LRRC4C: variants seen among roughly 807,000 people sequenced by gnomAD.
The protein encoded by LRRC4C is leucine rich repeat containing 4C.
A neutral mutation model predicts 33.6 loss-of-function variants in LRRC4C; 5 were observed. That is an observed-to-expected ratio of 0.15 (90% confidence interval 0.08 to 0.31). The LOEUF is 0.31. Among genes scored for constraint, LRRC4C ranks in the 10% least tolerant of loss-of-function variants. The pLI is 1.00. For synonymous variants in LRRC4C, 329 were observed against 302.0 expected (o/e 1.09, Z -0.93); for missense variants, 560 against 796.7 (o/e 0.70, Z 3.58).
chr11:40,176,480 G>C (rs559944792), intron 5 of LRRC4C, among the ~76,000 whole-genome samples: 1 of 151,340 alleles, frequency 6.6e-6, no homozygotes, highest in Non-Finnish European at 1.5e-5. Context: ...TAAAGCAAGG[G>C]ATAAAATAAT....
At chr11:40,518,442 C>A (rs1295978543) in intron 3 of LRRC4C, among the ~76,000 whole-genome samples, 4 of 152,112 alleles carry the variant, frequency 2.6e-5, no homozygotes, top group Non-Finnish European at 5.9e-5. Context: ...AAAAAGTGGA[C>A]AAAGGATATG....
At chr11:40,267,067 C>T (rs989737455) in intron 4 of LRRC4C, among the ~76,000 whole-genome samples, 7 of 151,276 alleles carry the variant, frequency 4.6e-5, no homozygotes, top group African/African-American at 1.7e-4. Flanking sequence ...TGTGCTGCTT[C>T]GATCATACAA....
At position 40,647,829 on chromosome 11, in the gene LRRC4C, G is replaced by A. The variant is rs116219843; in HGVS notation, c.-270+313C>T. ...CCACTCTTTCAACTCCTGGGGTAGC[G>A]CTCAGAAACATCTGTTTGAGAAACA... On this transcript the variant is annotated intron_variant, in intron 3 of 6. Transcript: ENST00000528697. Among the ~76,000 whole-genome samples, 177 of 152,244 alleles carry A rather than the reference G, an allele frequency of 1.2e-3. 1 individual carries two copies. Among genetic ancestry groups the A allele is most frequent in the African/African-American group, 3.9e-3 (160 of 41,536 alleles).
chr11:40,972,007 A>C (rs1592226387), intron 1 of LRRC4C, among the ~76,000 whole-genome samples: 2 of 152,212 alleles, frequency 1.3e-5, no homozygotes, highest in African/African-American at 4.8e-5. Flanking sequence ...GGAGTAACTA[A>C]CTTGTTTTTT....
intron 2 of LRRC4C, among the ~76,000 whole-genome samples, chr11:40,898,366 A>AGAAAAAAG (rs1554991247): frequency 8.5e-6 from 1 of 117,374 alleles, no homozygotes; most frequent in Non-Finnish European, 1.8e-5. Context: ...AAAAAAAAAA[A>AGAAAAAAG]AAAAAAGAAA....
chr11:41,221,448 T>G (rs1193968049), intron 1 of LRRC4C, among the ~76,000 whole-genome samples: 2 of 152,160 alleles, frequency 1.3e-5, no homozygotes, highest in African/African-American at 4.8e-5. Context: ...TATCACTGTT[T>G]ATGGGAGTGT....
chr11:40,529,601 C>T (rs984824204), intron 3 of LRRC4C, among the ~76,000 whole-genome samples: 2 of 152,058 alleles, frequency 1.3e-5, no homozygotes, highest in African/African-American at 4.8e-5. Flanking sequence ...ATTTATTCAG[C>T]AGAATGAATA....
At chr11:41,034,132 T>C (rs74510646) in intron 1 of LRRC4C, among the ~76,000 whole-genome samples, 186 of 152,194 alleles carry the variant, frequency 1.2e-3, no homozygotes, top group African/African-American at 4.3e-3. Context: ...ATTAATGGAA[T>C]AAGGAGGGCT....
At chr11:41,196,598 T>C (rs563506079) in intron 1 of LRRC4C, among the ~76,000 whole-genome samples, 13 of 152,194 alleles carry the variant, frequency 8.5e-5, no homozygotes, top group African/African-American at 2.9e-4. Flanking sequence ...GGCAGTTCTA[T>C]AATGAATAAA....
intron 5 of LRRC4C, among the ~76,000 whole-genome samples, chr11:40,240,119 C>A (rs1374302936): frequency 6.6e-6 from 1 of 152,154 alleles, no homozygotes; most frequent in Non-Finnish European, 1.5e-5. Flanking sequence ...TCTCTTTGCT[C>A]TAAACCATAA....
chr11:40,637,730 A>G (rs191343162), intron 3 of LRRC4C, among the ~76,000 whole-genome samples: 3 of 152,310 alleles, frequency 2.0e-5, no homozygotes, highest in African/African-American at 7.2e-5. Context: ...TTTCACATCT[A>G]CCACCATGGT....
At chr11:40,596,494 A>G (rs961013973) in intron 3 of LRRC4C, among the ~76,000 whole-genome samples, 7 of 151,916 alleles carry the variant, frequency 4.6e-5, no homozygotes, top group African/African-American at 1.2e-4. Context: ...AAAATTTACA[A>G]TAAATTATTG....
At chr11:40,653,812 A>G (rs779971955) in intron 2 of LRRC4C, among the ~76,000 whole-genome samples, 2 of 152,206 alleles carry the variant, frequency 1.3e-5, no homozygotes, top group Non-Finnish European at 2.9e-5. Flanking sequence ...TCTTCATGGC[A>G]GCCCCACCCA....
chr11:40,806,474 A>G (rs1951254997), intron 2 of LRRC4C, among the ~76,000 whole-genome samples: 1 of 152,250 alleles, frequency 6.6e-6, no homozygotes, highest in African/African-American at 2.4e-5. Flanking sequence ...CAGAAGCTAC[A>G]TAACTTTTTA....
At chr11:40,520,994 G>A (rs1955787009) in intron 3 of LRRC4C, among the ~76,000 whole-genome samples, 1 of 151,696 alleles carries the variant, frequency 6.6e-6, no homozygotes, top group African/African-American at 2.4e-5. Flanking sequence ...AAGAACTCAA[G>A]CCAAATCCAT....
At chr11:40,469,140 C>T (rs986391791) in intron 3 of LRRC4C, among the ~76,000 whole-genome samples, 2 of 152,184 alleles carry the variant, frequency 1.3e-5, no homozygotes, top group Admixed American at 6.5e-5. Flanking sequence ...GTGAGATCAA[C>T]GCAGAAGGTG....
intron 4 of LRRC4C, among the ~76,000 whole-genome samples, chr11:40,269,727 T>C (rs980868812): frequency 8.6e-5 from 13 of 151,710 alleles, no homozygotes; most frequent in Non-Finnish European, 1.8e-4. Flanking sequence ...AGTCTGATTT[T>C]GTGTACTTCA....
intron 5 of LRRC4C, among the ~76,000 whole-genome samples, chr11:40,230,004 C>T (rs1056668538): frequency 2.0e-5 from 3 of 152,152 alleles, no homozygotes; most frequent in Non-Finnish European, 4.4e-5. Flanking sequence ...ACATACTTCT[C>T]CGTGAACATA....
At chr11:40,966,033 CT>C (rs1200451731) in intron 1 of LRRC4C, among the ~76,000 whole-genome samples, 3 of 152,034 alleles carry the variant, frequency 2.0e-5, no homozygotes, top group Admixed American at 6.6e-5. Context: ...TTTGTATCCT[CT>C]TTTATTTAAT....
Sources: gnomAD v4.1 joint callset for allele counts (sites outside exome capture counted in the v4.1 genomes callset) on GRCh38, gnomAD v4.1.1 for gene constraint, MANE v1.5 for transcripts, NCBI Gene and HGNC (gene_info 2026-07-23, HGNC 2026-07-21) for gene names.